The following RASGRP3 variants were observed in gnomAD, a reference collection of about 807,000 sequenced individuals.
RASGRP3 encodes ras guanyl-releasing protein 3.
In RASGRP3, 54 loss-of-function variants were observed where a neutral mutation model predicts 82.7. The observed-to-expected ratio is 0.65, with a 90% confidence interval of 0.52 to 0.82. The LOEUF (loss-of-function observed/expected upper bound fraction) is 0.82, where lower values mean the gene tolerates loss of function less well. Ranked by LOEUF, RASGRP3 falls within the 40% of genes least tolerant of loss-of-function variation. The pLI is 0.00. For synonymous variants in RASGRP3, 309 were observed against 300.5 expected (o/e 1.03, Z -0.29); for missense variants, 861 against 828.9 (o/e 1.04, Z -0.48).
At chr2:33,444,384 C>T (rs914177816) in intron 1 of RASGRP3, among the ~76,000 whole-genome samples, 3 of 152,138 alleles carry the variant, frequency 2.0e-5, no homozygotes, top group African/African-American at 7.2e-5. Context: ...ATATAAAAAA[C>T]CACTAATAAA....
intron 2 of RASGRP3, among the ~76,000 whole-genome samples, chr2:33,457,161 A>G (rs1336432399): frequency 6.6e-6 from 1 of 152,052 alleles, no homozygotes; most frequent in East Asian, 1.9e-4. Context: ...GCGAGCCGCC[A>G]TGCCGGACCG....
Position 33,510,493 on chromosome 2 carries a change from C to T in RASGRP3, c.-260-1217C>T, listed in dbSNP as rs142646701. On this transcript the variant is annotated intron_variant, in intron 1 of 17. Transcript: ENST00000403687. The stretch of plus-strand genomic sequence containing the variant: ...TCCCTTGCTGGTGAGGCTGCTTGGC[C>T]CCCTAATAGGTGCTCCAGTGTCATC... 8.0e-3 allele frequency among the ~76,000 whole-genome samples: 1,218 copies of T among 152,258 alleles called. 16 individuals are homozygous for T. The highest frequency in any genetic ancestry group is 0.028 in the African/African-American group (1,152 of 41,526).
intron 13 of RASGRP3, among the ~76,000 whole-genome samples, chr2:33,545,183 A>T (rs1301466835): frequency 6.6e-6 from 1 of 152,202 alleles, no homozygotes; most frequent in Non-Finnish European, 1.5e-5. Flanking sequence ...TCTCTATATC[A>T]TCCTTATCTC....
intron 17 of RASGRP3, among the ~76,000 whole-genome samples, chr2:33,560,595 G>A (rs1376310070): frequency 6.6e-6 from 1 of 152,216 alleles, no homozygotes; most frequent in East Asian, 1.9e-4. Flanking sequence ...AAGAATCATT[G>A]TGCAAGAAGA....
intron 14 of RASGRP3, among the ~76,000 whole-genome samples, chr2:33,550,340 G>A (rs1675237912): frequency 6.6e-6 from 1 of 152,188 alleles, no homozygotes; most frequent in South Asian, 2.1e-4. Flanking sequence ...TGAAGATAGA[G>A]GTTCAAAGAG....
At chr2:33,467,980 TTTTCTTTCTTTC>T (rs60989460) in intron 2 of RASGRP3, among the ~76,000 whole-genome samples, 13,118 of 115,966 alleles carry the variant, frequency 0.11, 835 homozygotes, top group South Asian at 0.18. Flanking sequence ...TGGTGAGGCT[TTTTCTTTCTTTC>T]TTTCTTTCTT....
At chr2:33,469,443 C>A (rs1666923490) in intron 2 of RASGRP3, among the ~76,000 whole-genome samples, 1 of 150,778 alleles carries the variant, frequency 6.6e-6, no homozygotes. Context: ...TCATGTGATT[C>A]TCTTCAAGTT....
Position 33,527,383 on chromosome 2 carries a change from C to T in RASGRP3, c.1054C>T (p.Pro352Ser). The T allele has an allele frequency of 1.2e-6, 2 of 1,613,734 alleles. No homozygotes were observed. The highest frequency in any genetic ancestry group is 1.7e-6 in the Non-Finnish European group (2 of 1,179,720). The change falls in exon 10 of 18, where the codon CCC (proline) becomes TCC (serine). Residue 352 changes from proline to serine, a missense_variant. Transcript: ENST00000403687. ...SLQNASHHLEPNMDLINLLTL... is the reference protein window; with the variant it reads ...SLQNASHHLESNMDLINLLTL... ...GCAGAATGCCTCTCACCACTTAGAA[C>T]CCAACATGGATTTGATCAACCTGCT...
At chr2:33,534,075 G>T (rs1558497159) in intron 10 of RASGRP3, 1 of 494,084 alleles carries the variant, frequency 2.0e-6, no homozygotes. Context: ...GAGCACCTGG[G>T]AGCTGCTCAG....
chr2:33,478,696 G>C (rs974740653), intron 1 of RASGRP3, among the ~76,000 whole-genome samples: 3 of 152,250 alleles, frequency 2.0e-5, no homozygotes, highest in African/African-American at 7.2e-5. Flanking sequence ...GGATAGGAAT[G>C]ATAGAATGTG....
intron 2 of RASGRP3, among the ~76,000 whole-genome samples, chr2:33,452,590 GC>G (rs1665857211): frequency 6.6e-6 from 1 of 152,094 alleles, no homozygotes; most frequent in South Asian, 2.1e-4. Context: ...GTTCATGGGG[GC>G]CATCCTGTCC....
At chr2:33,464,237 G>A (rs57501646) in intron 2 of RASGRP3, among the ~76,000 whole-genome samples, 22,684 of 148,490 alleles carry the variant, frequency 0.15, 2,031 homozygotes, top group South Asian at 0.3. Context: ...TCCTGTCTCA[G>A]ACTCCCAAGT....
At chr2:33,449,674 G>T (rs1209360791) in intron 2 of RASGRP3, among the ~76,000 whole-genome samples, 5 of 151,960 alleles carry the variant, frequency 3.3e-5, no homozygotes, top group Non-Finnish European at 7.4e-5. Context: ...CAGGAGAATT[G>T]CTTGAACCTG....
intron 1 of RASGRP3, among the ~76,000 whole-genome samples, chr2:33,477,035 T>C (rs12613020): frequency 6.6e-6 from 1 of 151,410 alleles, no homozygotes; most frequent in Non-Finnish European, 1.5e-5. Context: ...CCATGGTGTT[T>C]AGGTTCAAAG....
chr2:33,540,243 A>T (rs1323099283), intron 12 of RASGRP3: 1 of 120,926 alleles, frequency 8.3e-6, no homozygotes, highest in Non-Finnish European at 2.0e-5. Context: ...GTGCTGAAAG[A>T]AAAATTTTGC....
At chr2:33,456,523 AGC>A (rs1666045377) in intron 2 of RASGRP3, among the ~76,000 whole-genome samples, 1 of 152,234 alleles carries the variant, frequency 6.6e-6, no homozygotes, top group Non-Finnish European at 1.5e-5. Flanking sequence ...TCTTCTGAAT[AGC>A]ATAAAGACCT....
chr2:33,507,456 G>A (rs1574372393), intron 1 of RASGRP3, among the ~76,000 whole-genome samples: 1 of 152,258 alleles, frequency 6.6e-6, no homozygotes, highest in Non-Finnish European at 1.5e-5. Flanking sequence ...GGGGAAGGTG[G>A]GGATCATAGG....
intron 2 of RASGRP3, among the ~76,000 whole-genome samples, chr2:33,513,006 G>A (rs1671084044): frequency 6.6e-6 from 1 of 152,206 alleles, no homozygotes. Context: ...TGAGAGCTGA[G>A]AGGTGCGTTG....
At chr2:33,487,195 C>T (rs2150951428) in intron 1 of RASGRP3, among the ~76,000 whole-genome samples, 1 of 152,168 alleles carries the variant, frequency 6.6e-6, no homozygotes, top group South Asian at 2.1e-4. Context: ...GTCATTCAGA[C>T]ATGCAAAATA....
Sources: gnomAD v4.1 joint callset for allele counts (sites outside exome capture counted in the v4.1 genomes callset) on GRCh38, gnomAD v4.1.1 for gene constraint, MANE v1.5 for transcripts, NCBI Gene and HGNC (gene_info 2026-07-23, HGNC 2026-07-21) for gene names.